VEGFC: variants seen among roughly 807,000 people sequenced by gnomAD.
VEGFC encodes vascular endothelial growth factor C.
In VEGFC, 12 loss-of-function variants were observed where a neutral mutation model predicts 46.1. That is an observed-to-expected ratio of 0.26 (90% confidence interval 0.17 to 0.42). The LOEUF is 0.42. Among genes scored for constraint, VEGFC ranks in the 10% least tolerant of loss-of-function variants. The pLI, the probability that VEGFC is intolerant of heterozygous loss-of-function variation, is 1.00. For synonymous variants in VEGFC, 232 were observed against 195.5 expected (o/e 1.19, Z -1.56); for missense variants, 488 against 529.4 (o/e 0.92, Z 0.77).
intron 3 of VEGFC, among the ~76,000 whole-genome samples, chr4:176,714,225 C>T (rs1173020470): frequency 6.6e-6 from 1 of 152,168 alleles, no homozygotes; most frequent in East Asian, 1.9e-4. Context: ...GGCTTAGCAC[C>T]ATCCTTCGGT....
At chr4:176,735,871 T>G (rs2111024999) in intron 1 of VEGFC, among the ~76,000 whole-genome samples, 1 of 152,076 alleles carries the variant, frequency 6.6e-6, no homozygotes, top group South Asian at 2.1e-4. Context: ...TATATAAAAT[T>G]GTTTCCTGTA....
At chr4:176,766,435 A>C (rs554279968) in intron 1 of VEGFC, among the ~76,000 whole-genome samples, 4 of 152,194 alleles carry the variant, frequency 2.6e-5, no homozygotes, top group Admixed American at 6.5e-5. Flanking sequence ...AAGAACACAA[A>C]AATTAGCCAA....
chr4:176,764,142 C>T (rs1735577122), intron 1 of VEGFC, among the ~76,000 whole-genome samples: 1 of 152,128 alleles, frequency 6.6e-6, no homozygotes, highest in African/African-American at 2.4e-5. Context: ...ACCATAGAGA[C>T]AGCCAAGCTT....
chr4:176,700,390 C>T (rs1004689319), intron 4 of VEGFC, among the ~76,000 whole-genome samples: 1 of 151,024 alleles, frequency 6.6e-6, no homozygotes, highest in Non-Finnish European at 1.5e-5. Flanking sequence ...GCACTCTAGC[C>T]TGGGCAACAG....
At chr4:176,730,752 G>T (rs750473918) in intron 1 of VEGFC, among the ~76,000 whole-genome samples, 3 of 151,920 alleles carry the variant, frequency 2.0e-5, no homozygotes, top group South Asian at 2.1e-4. Flanking sequence ...TCTAATTTTT[G>T]AGCACAAAAT....
intron 1 of VEGFC, among the ~76,000 whole-genome samples, chr4:176,749,772 T>C (rs946387444): frequency 2.6e-5 from 4 of 151,834 alleles, no homozygotes; most frequent in Non-Finnish European, 5.9e-5. Context: ...CTCCCTCTTG[T>C]TATACAGAAG....
chr4:176,719,301 CT>C (rs1280574847), intron 3 of VEGFC, among the ~76,000 whole-genome samples: 2 of 34,120 alleles, frequency 5.9e-5, no homozygotes, highest in Non-Finnish European at 1.8e-4. Flanking sequence ...AACGAAAAGT[CT>C]TTTTTTTGTT....
intron 4 of VEGFC, among the ~76,000 whole-genome samples, chr4:176,702,219 T>C (rs1489057461): frequency 6.6e-6 from 1 of 152,150 alleles, no homozygotes; most frequent in African/African-American, 2.4e-5. Flanking sequence ...GTGTAACTTC[T>C]TGCAAGCAAA....
intron 1 of VEGFC, among the ~76,000 whole-genome samples, chr4:176,781,652 T>C (rs1735918389): frequency 6.6e-6 from 1 of 152,154 alleles, no homozygotes; most frequent in Non-Finnish European, 1.5e-5. Flanking sequence ...GTCAAGACCA[T>C]TTTCTTTAAC....
chr4:176,748,114 G>A (rs1165105174), intron 1 of VEGFC, among the ~76,000 whole-genome samples: 2 of 151,970 alleles, frequency 1.3e-5, no homozygotes, highest in Non-Finnish European at 2.9e-5. Context: ...CAGCAAACTG[G>A]TTTTGTGTGG....
At chr4:176,759,578 T>C (rs1454369559) in intron 1 of VEGFC, among the ~76,000 whole-genome samples, 1 of 152,010 alleles carries the variant, frequency 6.6e-6, no homozygotes, top group Non-Finnish European at 1.5e-5. Context: ...TAAATAATAA[T>C]AGAGTAGATT....
At chr4:176,765,095 CAG>C (rs1735596167) in intron 1 of VEGFC, among the ~76,000 whole-genome samples, 1 of 151,666 alleles carries the variant, frequency 6.6e-6, no homozygotes, top group Admixed American at 6.6e-5. Context: ...TTTGAGAAAA[CAG>C]AAAGGAAGAT....
rs542535978 is a variant in VEGFC at position 176,751,678 on chromosome 4, T to A, written c.148-21932A>T. Reference sequence around the variant, plus strand: ...AAAATAACATGTTGAAGAATGTATGTTCAGCACAACATAATTTACAAAAAG... The same window carrying A: ...AAAATAACATGTTGAAGAATGTATGATCAGCACAACATAATTTACAAAAAG... On this transcript the variant is annotated intron_variant, in intron 1 of 6. Coordinates refer to ENST00000618562, the MANE Select transcript of VEGFC (RefSeq NM_005429.5). Among the ~76,000 whole-genome samples the A allele has an allele frequency of 3.9e-5, 6 of 152,092 alleles. No individual in the cohort carries two copies. In the South Asian group the frequency reaches 1.0e-3, roughly 26 times the overall value.
At chr4:176,737,343 A>G (rs1311759564) in intron 1 of VEGFC, among the ~76,000 whole-genome samples, 1 of 147,094 alleles carries the variant, frequency 6.8e-6, no homozygotes, top group Non-Finnish European at 1.5e-5. Flanking sequence ...ATATAAATAC[A>G]GAATAAATAT....
chr4:176,734,490 A>G (rs778059684), intron 1 of VEGFC, among the ~76,000 whole-genome samples: 5 of 151,862 alleles, frequency 3.3e-5, no homozygotes, highest in Non-Finnish European at 7.4e-5. Context: ...TTTATGTTAG[A>G]AAACCTATCT....
chr4:176,715,429 A>T (rs1370884791), intron 3 of VEGFC, among the ~76,000 whole-genome samples: 1 of 152,180 alleles, frequency 6.6e-6, no homozygotes, highest in East Asian at 1.9e-4. Flanking sequence ...TTTATCTATC[A>T]ACTTCAGGAA....
At chr4:176,729,780 C>A in intron 1 of VEGFC, 34 bp from the exon 2 acceptor site, 2 of 1,516,182 alleles carry the variant, frequency 1.3e-6, no homozygotes, top group South Asian at 2.7e-5. Flanking sequence ...AATGACTTAC[C>A]AGCTTAAGGG....
At chr4:176,711,082 T>C (rs1531956) in intron 4 of VEGFC, among the ~76,000 whole-genome samples, 137,995 of 152,136 alleles carry the variant, frequency 0.91, 63,252 homozygotes, top group Non-Finnish European at 0.98. Flanking sequence ...AGCAACTGAA[T>C]GCTAATAGAT....
At chr4:176,752,373 C>T (rs1484743322) in intron 1 of VEGFC, among the ~76,000 whole-genome samples, 1 of 151,984 alleles carries the variant, frequency 6.6e-6, no homozygotes, top group Non-Finnish European at 1.5e-5. Flanking sequence ...ATTGGCACTC[C>T]GAATGGCCTG....
Sources: gnomAD v4.1 joint callset for allele counts (sites outside exome capture counted in the v4.1 genomes callset) on GRCh38, gnomAD v4.1.1 for gene constraint, MANE v1.5 for transcripts, NCBI Gene and HGNC (gene_info 2026-07-23, HGNC 2026-07-21) for gene names.